The following GRIK3 variants were observed in gnomAD, a reference collection of about 807,000 sequenced individuals.
The protein encoded by GRIK3 is glutamate receptor ionotropic, kainate 3.
GRIK3 carries 29 observed loss-of-function variants against 102.5 expected under a neutral mutation model. That is an observed-to-expected ratio of 0.28 (90% CI 0.21 to 0.39). The LOEUF (loss-of-function observed/expected upper bound fraction) is 0.39, where lower values mean the gene tolerates loss of function less well. Among genes scored for constraint, GRIK3 ranks in the 10% least tolerant of loss-of-function variants. GRIK3 has a pLI of 1.00. For synonymous variants in GRIK3, 511 were observed against 504.9 expected (o/e 1.01, Z -0.16); for missense variants, 908 against 1,252.4 (o/e 0.73, Z 4.15).
intron 1 of GRIK3, among the ~76,000 whole-genome samples, chr1:36,962,883 CAA>C (rs57315084): frequency 0.076 from 5,589 of 73,972 alleles, 272 homozygotes; most frequent in African/African-American, 0.21. Flanking sequence ...GACTCCCTCT[CAA>C]AAAAAAAAAA....
chr1:36,836,929 A>T (rs957354316), intron 10 of GRIK3, among the ~76,000 whole-genome samples: 1 of 151,792 alleles, frequency 6.6e-6, no homozygotes, highest in Non-Finnish European at 1.5e-5. Flanking sequence ...GCTTGTGCCA[A>T]CTCGTGGATG....
At chr1:36,938,568 T>C (rs1160068370) in intron 1 of GRIK3, among the ~76,000 whole-genome samples, 1 of 152,144 alleles carries the variant, frequency 6.6e-6, no homozygotes, top group Non-Finnish European at 1.5e-5. Context: ...GGCCAGGAGA[T>C]GAAAAGCCCC....
At chr1:37,016,112 A>G (rs1208680566) in intron 1 of GRIK3, among the ~76,000 whole-genome samples, 1 of 152,220 alleles carries the variant, frequency 6.6e-6, no homozygotes, top group Non-Finnish European at 1.5e-5. Context: ...GCCACTGTTC[A>G]CTTTAAGGTT....
At chr1:36,805,972 G>GA (rs1293840150) in intron 14 of GRIK3, 132 bp downstream of exon 14, 29 of 341,438 alleles carry the variant, frequency 8.5e-5, no homozygotes, top group Non-Finnish European at 1.2e-4. Context: ...GAAAAGAACA[G>GA]AAAAAAAAGA....
rs764096118 is a variant in GRIK3, at chr1:36,802,088, G to C, written c.2566-43C>G. On this transcript the variant is annotated intron_variant, in intron 15 of 15. Transcript: ENST00000373091. ...AGAGGGGTCGGAAAAGGGGCACAGA[G>C]TGATGCCCGGTCTTGCAACTCCAGC... 6 of 1,401,716 alleles carry C rather than the reference G, an allele frequency of 4.3e-6. No individual in the cohort carries two copies. The Admixed American group carries it at 1.2e-4, about 27-fold the overall frequency. 86.8% of individuals were successfully genotyped at this position (1,401,716 alleles called of 1,614,324 possible).
chr1:36,836,848 G>A (rs527385488), intron 10 of GRIK3, among the ~76,000 whole-genome samples: 4 of 152,154 alleles, frequency 2.6e-5, no homozygotes, highest in African/African-American at 4.8e-5. Flanking sequence ...CTGGGTCTCC[G>A]AGGGTGAAAT....
At chr1:37,031,240 T>C (rs1298096495) in intron 1 of GRIK3, among the ~76,000 whole-genome samples, 3 of 152,236 alleles carry the variant, frequency 2.0e-5, no homozygotes, top group African/African-American at 4.8e-5. Flanking sequence ...TAATCAATGA[T>C]CATTTTTTCT....
intron 10 of GRIK3, 21 bp downstream of exon 10, chr1:36,841,715 C>T (rs751217253): frequency 3.1e-6 from 5 of 1,602,232 alleles, no homozygotes; most frequent in Non-Finnish European, 4.3e-6. Context: ...TGAGCCCTCC[C>T]ATGCTCCCAT....
chr1:36,946,975 A>T (rs541993704), intron 1 of GRIK3, among the ~76,000 whole-genome samples: 60 of 152,304 alleles, frequency 3.9e-4, no homozygotes, highest in African/African-American at 1.4e-3. Context: ...CACATGTGAG[A>T]TGAAAGCAGA....
chr1:36,915,466 C>T (rs2124299012), intron 1 of GRIK3, among the ~76,000 whole-genome samples: 1 of 152,278 alleles, frequency 6.6e-6, no homozygotes, highest in Admixed American at 6.5e-5. Context: ...AATGGCTAAA[C>T]AGCAAAACTC....
chr1:36,823,815 T>C (rs573634847), intron 11 of GRIK3, among the ~76,000 whole-genome samples: 26 of 152,216 alleles, frequency 1.7e-4, no homozygotes, highest in Non-Finnish European at 3.2e-4. Flanking sequence ...TGGTCTGGGT[T>C]TGAAGTCCAA....
chr1:36,910,067 C>T (rs773990735), intron 1 of GRIK3, among the ~76,000 whole-genome samples: 29 of 152,206 alleles, frequency 1.9e-4, no homozygotes, highest in South Asian at 6.2e-4. Context: ...CTCTGGAACC[C>T]GTTGAGGTTT....
At chr1:36,835,058 C>T (rs557468404) in intron 10 of GRIK3, among the ~76,000 whole-genome samples, 1 of 152,244 alleles carries the variant, frequency 6.6e-6, no homozygotes, top group Admixed American at 6.5e-5. Flanking sequence ...TGAAATATCA[C>T]TTGTCTGATT....
At chr1:36,892,674 T>G (rs917811356) in intron 1 of GRIK3, among the ~76,000 whole-genome samples, 2 of 152,164 alleles carry the variant, frequency 1.3e-5, no homozygotes, top group Admixed American at 6.5e-5. Flanking sequence ...ATTTTTCTTT[T>G]CCTGATAAAA....
chr1:36,870,483 T>G (rs886265336), intron 4 of GRIK3, among the ~76,000 whole-genome samples: 1 of 152,256 alleles, frequency 6.6e-6, no homozygotes, highest in Admixed American at 6.5e-5. Context: ...CTCAGAATGC[T>G]GGGCCCACAG....
At chr1:36,947,201 G>A (rs147505633) in intron 1 of GRIK3, among the ~76,000 whole-genome samples, 1 of 152,090 alleles carries the variant, frequency 6.6e-6, no homozygotes, top group African/African-American at 2.4e-5. Flanking sequence ...TTCCGATCAT[G>A]GTACCCAACT....
intron 10 of GRIK3, among the ~76,000 whole-genome samples, chr1:36,835,022 C>T (rs772073653): frequency 5.9e-5 from 9 of 152,218 alleles, no homozygotes; most frequent in Non-Finnish European, 1.2e-4. Flanking sequence ...CTATCTTTCC[C>T]GTTGCAGCAC....
At chr1:36,826,479 A>T (rs765947510) in intron 10 of GRIK3, among the ~76,000 whole-genome samples, 4 of 152,104 alleles carry the variant, frequency 2.6e-5, no homozygotes, top group Non-Finnish European at 4.4e-5. Context: ...AATAGCCTAC[A>T]TAACATAGTG....
intron 1 of GRIK3, among the ~76,000 whole-genome samples, chr1:37,019,666 G>A (rs937242128): frequency 2.6e-5 from 4 of 152,284 alleles, no homozygotes; most frequent in Admixed American, 1.3e-4. Context: ...CACAGAGTGG[G>A]TGCTCCATAA....
Sources: allele counts gnomAD v4.1 joint callset (sites outside exome capture counted in the v4.1 genomes callset), GRCh38; gene constraint gnomAD v4.1.1; transcripts MANE v1.5; gene names NCBI Gene and HGNC (gene_info 2026-07-23, HGNC 2026-07-21).